Variants in PPM1H observed in about 807,000 individuals in gnomAD.
PPM1H encodes the protein protein phosphatase 1H.
Under a neutral mutation model 54.9 loss-of-function variants are expected in PPM1H, and 27 were observed. The observed-to-expected ratio is 0.49, with a 90% confidence interval of 0.36 to 0.68. PPM1H has a LOEUF of 0.68. Among genes scored for constraint, PPM1H ranks in the 30% least tolerant of loss-of-function variants. PPM1H has a pLI of 0.00. For missense variants in PPM1H, 596 were observed against 667.8 expected (o/e 0.89, Z 1.19); for synonymous variants, 305 against 270.8 (o/e 1.13, Z -1.24).
At chr12:62,932,570 C>A (rs1253000298) in intron 1 of PPM1H, among the ~76,000 whole-genome samples, 2 of 148,618 alleles carry the variant, frequency 1.3e-5, no homozygotes, top group Non-Finnish European at 3.0e-5. Context: ...CCCCCATCTA[C>A]ACAATTATAC....
chr12:62,820,944 T>C (rs2076899417), intron 2 of PPM1H, among the ~76,000 whole-genome samples: 1 of 152,150 alleles, frequency 6.6e-6, no homozygotes, highest in Non-Finnish European at 1.5e-5. Flanking sequence ...AGAAGTAGGC[T>C]TCAGGAGGTC....
At chr12:62,880,553 G>A (rs1003816472) in intron 1 of PPM1H, among the ~76,000 whole-genome samples, 17 of 152,096 alleles carry the variant, frequency 1.1e-4, no homozygotes, top group Middle Eastern at 3.2e-3. Flanking sequence ...CCCAGTGCAC[G>A]TCGTGATTAC....
intron 3 of PPM1H, among the ~76,000 whole-genome samples, chr12:62,789,102 A>G (rs2076689924): frequency 6.6e-6 from 1 of 151,900 alleles, no homozygotes; most frequent in Non-Finnish European, 1.5e-5. Context: ...TGCAGCCTTG[A>G]CCTCCTGGGC....
chr12:62,763,572 A>T (rs1003061401), intron 4 of PPM1H, among the ~76,000 whole-genome samples: 2 of 152,206 alleles, frequency 1.3e-5, no homozygotes, highest in Non-Finnish European at 2.9e-5. Flanking sequence ...TTTCTTCCTC[A>T]GCTCTTCCTT....
chr12:62,701,173 A>G (rs983963329), intron 6 of PPM1H, among the ~76,000 whole-genome samples: 16 of 152,240 alleles, frequency 1.1e-4, no homozygotes, highest in Non-Finnish European at 1.9e-4. Flanking sequence ...TTCTTGTTCC[A>G]TAATATATTT....
At chr12:62,923,726 G>A (rs1408986772) in intron 1 of PPM1H, among the ~76,000 whole-genome samples, 1 of 152,112 alleles carries the variant, frequency 6.6e-6, no homozygotes, top group Non-Finnish European at 1.5e-5. Flanking sequence ...TAAAATGCTG[G>A]GGGAGAAAAT....
chr12:62,855,517 T>C (rs533998921), intron 1 of PPM1H, among the ~76,000 whole-genome samples: 1 of 151,938 alleles, frequency 6.6e-6, no homozygotes, highest in Non-Finnish European at 1.5e-5. Flanking sequence ...AGCGCTAAGG[T>C]TTCAATTAGC....
intron 2 of PPM1H, among the ~76,000 whole-genome samples, chr12:62,810,248 A>T (rs1322764992): frequency 3.3e-5 from 5 of 151,994 alleles, no homozygotes; most frequent in African/African-American, 4.8e-5. Context: ...ACCCTACCCT[A>T]CTCCAGGATT....
At chr12:62,846,147 C>T (rs1220077617) in intron 1 of PPM1H, among the ~76,000 whole-genome samples, 4 of 152,132 alleles carry the variant, frequency 2.6e-5, no homozygotes, top group Non-Finnish European at 5.9e-5. Flanking sequence ...GTGAATGTGG[C>T]CATGTCTCTC....
intron 8 of PPM1H, among the ~76,000 whole-genome samples, chr12:62,672,103 T>C (rs1333714110): frequency 1.3e-5 from 2 of 152,334 alleles, no homozygotes; most frequent in East Asian, 1.9e-4. Context: ...TCGTCGAAAC[T>C]GATTGTTCCA....
At chr12:62,752,909 G>A (rs909521065) in intron 4 of PPM1H, among the ~76,000 whole-genome samples, 4 of 152,178 alleles carry the variant, frequency 2.6e-5, no homozygotes, top group African/African-American at 4.8e-5. Flanking sequence ...CAGGAGAGAC[G>A]AGCAGAAGAG....
chr12:62,890,218 T>C lies in PPM1H; in HGVS notation c.245+44274A>G, dbSNP rs537692003. ...GCTCATGCCTGTAATCCCAGCACTT[T>C]AGGAGGCTGAAGTAGAAGGATCGCT... On this transcript the variant is annotated intron_variant, in intron 1 of 9. Transcript: ENST00000228705. 7.3e-4 allele frequency among the ~76,000 whole-genome samples: 111 copies of C among 152,270 alleles called. 1 individual carries two copies. The highest frequency in any genetic ancestry group is 9.6e-4 in the African/African-American group (40 of 41,540).
At chr12:62,657,133 T>C (rs1345636373) in intron 9 of PPM1H, among the ~76,000 whole-genome samples, 1 of 151,990 alleles carries the variant, frequency 6.6e-6, no homozygotes, top group East Asian at 1.9e-4. Context: ...CATTGGGAGT[T>C]TGTGTGCTGC....
At chr12:62,666,711 G>A (rs138792677) in intron 9 of PPM1H, among the ~76,000 whole-genome samples, 45 of 152,120 alleles carry the variant, frequency 3.0e-4, no homozygotes, top group Admixed American at 8.5e-4. Context: ...GGCAGAGAAA[G>A]TACCTCTTTT....
intron 4 of PPM1H, among the ~76,000 whole-genome samples, chr12:62,753,012 T>C (rs1051723123): frequency 6.6e-6 from 1 of 152,022 alleles, no homozygotes; most frequent in Admixed American, 6.6e-5. Flanking sequence ...CAGTTGGAAA[T>C]GTGGGAGTGG....
At chr12:62,658,700 C>T (rs1034866146) in intron 9 of PPM1H, 3 of 333,360 alleles carry the variant, frequency 9.0e-6, no homozygotes, top group East Asian at 7.9e-5. Context: ...AATGCATTTC[C>T]TAGGAACAGT....
intron 9 of PPM1H, 72 bp downstream of exon 9, chr12:62,667,106 T>C (rs2075923126): frequency 2.1e-6 from 3 of 1,448,148 alleles, no homozygotes; most frequent in African/African-American, 2.8e-5. Flanking sequence ...GAAAATTGCA[T>C]GATTATTAAT....
At chr12:62,701,670 T>C (rs1308307473) in intron 6 of PPM1H, among the ~76,000 whole-genome samples, 3 of 151,208 alleles carry the variant, frequency 2.0e-5, no homozygotes, top group East Asian at 3.9e-4. Context: ...AATGGCTTTC[T>C]TGTTTGTTTG....
chr12:62,884,514 A>AG (rs911134914), intron 1 of PPM1H, among the ~76,000 whole-genome samples: 3 of 150,506 alleles, frequency 2.0e-5, no homozygotes, highest in Admixed American at 6.6e-5. Flanking sequence ...AAAAAAAAAA[A>AG]AAAAGAAAGA....
Sources: allele counts gnomAD v4.1 joint callset (sites outside exome capture counted in the v4.1 genomes callset), GRCh38; gene constraint gnomAD v4.1.1; transcripts MANE v1.5; gene names NCBI Gene and HGNC (gene_info 2026-07-23, HGNC 2026-07-21).